IQGAP1: variants seen among roughly 807,000 people sequenced by gnomAD.
IQGAP1 encodes ras GTPase-activating-like protein IQGAP1.
A neutral mutation model predicts 215.6 loss-of-function variants in IQGAP1; 66 were observed. That is an observed-to-expected ratio of 0.31 (90% confidence interval 0.25 to 0.38). The LOEUF (loss-of-function observed/expected upper bound fraction) is 0.38. Ranked by LOEUF, IQGAP1 falls within the 10% of genes least tolerant of loss-of-function variation. The pLI is 1.00. For synonymous variants in IQGAP1, 772 were observed against 728.7 expected (o/e 1.06, Z -0.96); for missense variants, 1,712 against 1,997.1 (o/e 0.86, Z 2.72).
intron 9 of IQGAP1, among the ~76,000 whole-genome samples, chr15:90,444,279 G>GTATA (rs369131749): frequency 3.0e-4 from 22 of 72,976 alleles, no homozygotes; most frequent in African/African-American, 1.4e-3. Flanking sequence ...GTGTGTGTGT[G>GTATA]TATATATATA....
intron 8 of IQGAP1, among the ~76,000 whole-genome samples, chr15:90,442,894 C>T (rs571507368): frequency 6.6e-6 from 1 of 151,852 alleles, no homozygotes; most frequent in African/African-American, 2.4e-5. Flanking sequence ...ATCACGTGAA[C>T]CCAGGAGGCA....
At chr15:90,490,478 A>T (rs549532839) in intron 33 of IQGAP1, among the ~76,000 whole-genome samples, 1 of 142,134 alleles carries the variant, frequency 7.0e-6, no homozygotes, top group African/African-American at 2.5e-5. Context: ...GCGACTATGA[A>T]GGATGGCAGT....
At chr15:90,400,790 T>C (rs1481850704) in intron 2 of IQGAP1, among the ~76,000 whole-genome samples, 1 of 152,250 alleles carries the variant, frequency 6.6e-6, no homozygotes, top group African/African-American at 2.4e-5. Context: ...CAAGTTGGCA[T>C]GTTCTAGGAA....
chr15:90,491,607 A>T, intron 34 of IQGAP1, 62 bp downstream of exon 34: 1 of 1,350,642 alleles, frequency 7.4e-7, no homozygotes, highest in East Asian at 2.3e-5. Flanking sequence ...CTCGAGAGAC[A>T]GTAGCTGTTC....
chr15:90,401,541 C>T (rs1964804801), intron 2 of IQGAP1, among the ~76,000 whole-genome samples: 1 of 152,176 alleles, frequency 6.6e-6, no homozygotes, highest in Non-Finnish European at 1.5e-5. Flanking sequence ...TTGCCTCTCC[C>T]CCTCTTCCTC....
At chr15:90,430,506 G>A (rs1356429392) in intron 4 of IQGAP1, among the ~76,000 whole-genome samples, 2 of 152,128 alleles carry the variant, frequency 1.3e-5, no homozygotes, top group East Asian at 1.9e-4. Context: ...TTGTGTTACA[G>A]CCAAATACTA....
chr15:90,441,170 T>C (rs1313796083), intron 7 of IQGAP1, among the ~76,000 whole-genome samples: 2 of 152,054 alleles, frequency 1.3e-5, no homozygotes, highest in South Asian at 2.1e-4. Context: ...GAGTTTCTTA[T>C]TGTTTTATGG....
intron 3 of IQGAP1, 99 bp from the exon 4 acceptor site, chr15:90,429,490 A>G (rs1015868744): frequency 8.1e-6 from 7 of 868,018 alleles, no homozygotes; most frequent in African/African-American, 6.8e-5. Context: ...ATTAAGGAAA[A>G]TTTGTCAAAT....
chr15:90,393,925 G>A lies in IQGAP1; in HGVS notation c.155+3052G>A, dbSNP rs555142105. The A allele has an allele frequency of 5.2e-3, 785 of 152,154 alleles. 8 individuals are homozygous for A. Among genetic ancestry groups the A allele is most frequent in the Non-Finnish European group, 7.8e-3 (534 of 68,066 alleles). 9.4% of individuals were successfully genotyped at this position (152,154 alleles called of 1,614,324 possible). A position where few individuals can be genotyped will look rare whatever the true frequency, so the allele number is the denominator to read the frequency against. ...GAGGTGGGCGGATCACCTGGCGGTC[G>A]GGAGTTCGAGACCAGCCTGACCAAC... On this transcript the variant is annotated intron_variant, in intron 2 of 37. Coordinates refer to ENST00000268182, the MANE Select transcript of IQGAP1 (RefSeq NM_003870.4).
rs141544591 is a variant in IQGAP1 at position 90,491,430 on chromosome 15, A to T, written c.4346A>T (p.Asn1449Ile). The change falls in exon 34 of 38, where the codon AAC becomes ATC. Residue 1449 changes from asparagine (N) to isoleucine (I), a missense_variant. Coordinates refer to ENST00000268182, the MANE Select transcript of IQGAP1 (RefSeq NM_003870.4). ...KKSKSVKEDS[N>I]LTLQEKKEKI... is the part of the protein sequence containing the mutation. ...TCAAAATCTGTAAAGGAAGACAGCA[A>T]CCTCACTCTTCAAGAGAAGAAAGAG... The T allele has an allele frequency of 8.5e-5, 137 of 1,614,120 alleles. No individual in the cohort carries two copies. The African/African-American group carries it at 1.6e-3, about 19-fold the overall frequency.
chr15:90,468,309 C>T (rs1965859642), intron 18 of IQGAP1, among the ~76,000 whole-genome samples: 1 of 152,188 alleles, frequency 6.6e-6, no homozygotes, highest in South Asian at 2.1e-4. Context: ...AAGTGGTCCA[C>T]CCGCCTCAGC....
In IQGAP1 at chr15:90,455,030, C is replaced by G. The variant is rs188698159; in HGVS notation, c.1612+478C>G. On this transcript the variant is annotated intron_variant, in intron 14 of 37. Transcript: ENST00000268182. ...AGAACTCAAGAAAATGCTAGACTTA[C>G]GATTAAAATTTTATTACAAAATATG... Among the ~76,000 whole-genome samples the G allele has an allele frequency of 3.3e-5, 5 of 152,230 alleles. No homozygotes were observed. In the East Asian group the frequency reaches 7.7e-4, roughly 23 times the overall value.
intron 9 of IQGAP1, among the ~76,000 whole-genome samples, chr15:90,444,400 A>G (rs1049772619): frequency 3.3e-5 from 5 of 151,846 alleles, no homozygotes; most frequent in Non-Finnish European, 7.4e-5. Flanking sequence ...TTCTGTTTCA[A>G]ATTCTCTAGT....
In IQGAP1 at chr15:90,456,325, A is replaced by T. The variant is rs73482594; in HGVS notation, c.1776+10A>T. ...GAGAGAGAAAGCCCAGGTGAGTGGC[A>T]TCGGAATTGTTCTTTATGTTCAGAG... On this transcript the variant is annotated intron_variant, in intron 15 of 37. Coordinates refer to ENST00000268182, the MANE Select transcript of IQGAP1 (RefSeq NM_003870.4). The T allele has an allele frequency of 1.4e-3, 2,186 of 1,613,642 alleles. 27 individuals carry two copies. In the African/African-American group the frequency reaches 0.026, roughly 19 times the overall value.
At chr15:90,451,267 T>C (rs2158406) in intron 11 of IQGAP1, among the ~76,000 whole-genome samples, 88,354 of 152,010 alleles carry the variant, frequency 0.58, 27,690 homozygotes, top group East Asian at 0.83. Flanking sequence ...ATACTTGAAG[T>C]GGGGTAATTT....
rs775889684 is a variant in IQGAP1, at chr15:90,476,813, T to C, written c.2935T>C (p.Leu979=). 6 of 1,586,396 alleles carry C rather than the reference T, an allele frequency of 3.8e-6. No homozygotes were observed. The highest frequency in any genetic ancestry group is 5.1e-6 in the Non-Finnish European group (6 of 1,173,886). ...LEAYQHLFYL[L]QTNPTYLAKL... is the part of the protein sequence containing the mutation. ...AGCTTACCAGCACCTGTTTTATTTATTGCAAGTAAGTGGCTCCTGGAATCA... is the reference window on the plus strand; with the variant it reads ...AGCTTACCAGCACCTGTTTTATTTACTGCAAGTAAGTGGCTCCTGGAATCA... Residue 979 remains leucine, a synonymous_variant, in exon 24 of 38, where the codon TTG becomes CTG. Coordinates refer to ENST00000268182, the MANE Select transcript of IQGAP1 (RefSeq NM_003870.4).
At chr15:90,472,365 C>A (rs1216846452) in intron 18 of IQGAP1, among the ~76,000 whole-genome samples, 1 of 152,196 alleles carries the variant, frequency 6.6e-6, no homozygotes, top group Non-Finnish European at 1.5e-5. Flanking sequence ...TCCAAACCCT[C>A]TAGGCTACTT....
At chr15:90,435,555 G>C (rs962289776) in intron 5 of IQGAP1, among the ~76,000 whole-genome samples, 7 of 152,238 alleles carry the variant, frequency 4.6e-5, no homozygotes, top group Non-Finnish European at 8.8e-5. Flanking sequence ...GTTTGGCTTA[G>C]TGTTGCATGA....
chr15:90,426,699 A>C (rs977622126), intron 3 of IQGAP1, among the ~76,000 whole-genome samples: 1 of 152,140 alleles, frequency 6.6e-6, no homozygotes, highest in African/African-American at 2.4e-5. Flanking sequence ...TCACGCCGGT[A>C]ATCCCAGTAC....
Sources: allele counts gnomAD v4.1 joint callset (sites outside exome capture counted in the v4.1 genomes callset), GRCh38; gene constraint gnomAD v4.1.1; transcripts MANE v1.5; gene names NCBI Gene and HGNC (gene_info 2026-07-23, HGNC 2026-07-21).